MRTFA: variants seen among roughly 807,000 people sequenced by gnomAD.
The protein encoded by MRTFA is myocardin-related transcription factor A.
A neutral mutation model predicts 83.5 loss-of-function variants in MRTFA; 20 were observed. That is an observed-to-expected ratio of 0.24 (90% CI 0.17 to 0.35). The LOEUF is 0.35. Ranked by LOEUF, MRTFA falls within the 10% of genes least tolerant of loss-of-function variation. The pLI, the probability that MRTFA is intolerant of heterozygous loss-of-function variation, is 1.00. For synonymous variants in MRTFA, 659 were observed against 541.2 expected, an observed-to-expected ratio of 1.22 and a Z score of -3.02; for missense variants, 1,200 against 1,224.7, an observed-to-expected ratio of 0.98 and a Z score of 0.30.
intron 4 of MRTFA, among the ~76,000 whole-genome samples, chr22:40,451,341 G>T (rs1156723416): frequency 4.6e-5 from 7 of 152,118 alleles, no homozygotes; most frequent in Admixed American, 4.6e-4. Flanking sequence ...TGGGTGGCGG[G>T]GTGTGGAGAA....
intron 14 of MRTFA, among the ~76,000 whole-genome samples, chr22:40,413,499 T>C (rs1337641741): frequency 1.3e-5 from 2 of 152,050 alleles, no homozygotes; most frequent in Non-Finnish European, 2.9e-5. Flanking sequence ...GCCTGGCTAA[T>C]TTTTTCACCA....
At chr22:40,518,062 CCCCCTCATAGCTCA>C (rs1317279966) in intron 3 of MRTFA, among the ~76,000 whole-genome samples, 6 of 152,152 alleles carry the variant, frequency 3.9e-5, no homozygotes, top group Admixed American at 1.3e-4. Flanking sequence ...CATCACATAA[CCCCCTCATAGCTCA>C]CCCTATGCTT....
intron 3 of MRTFA, among the ~76,000 whole-genome samples, chr22:40,470,280 T>TATATATATAA (rs1569283519): frequency 1.9e-5 from 2 of 106,402 alleles, no homozygotes; most frequent in East Asian, 2.7e-4. Context: ...TATATATATA[T>TATATATATAA]AAAGAAACAT....
intron 3 of MRTFA, among the ~76,000 whole-genome samples, chr22:40,502,265 G>T (rs1411336858): frequency 1.4e-5 from 2 of 138,776 alleles, no homozygotes; most frequent in Non-Finnish European, 3.1e-5. Context: ...CTTCTCAGAC[G>T]GGGCGGCTGC....
intron 3 of MRTFA, among the ~76,000 whole-genome samples, chr22:40,476,720 T>C (rs1321793334): frequency 1.3e-5 from 2 of 152,242 alleles, no homozygotes; most frequent in East Asian, 3.9e-4. Flanking sequence ...CCCAAAGTGC[T>C]GGAGTACAGA....
rs1356939389 is a variant in MRTFA at position 40,476,155 on chromosome 22, A to AAG, written c.242-12870_242-12869insCT. Among the ~76,000 whole-genome samples the AAG allele has an allele frequency of 3.8e-3, 547 of 144,910 alleles. 18 individuals are homozygous for AAG. Among genetic ancestry groups the AAG allele is most frequent in the Admixed American group, 0.033 (482 of 14,434 alleles). ...CAAGACTCCGTCTCAAAAAAAAAAA[A>AAG]GGGGGGGGGTCTTGAAAGTATTTTA... On this transcript the variant is annotated intron_variant, in intron 3 of 14. Transcript: ENST00000355630.
intron 2 of MRTFA, among the ~76,000 whole-genome samples, chr22:40,582,963 AG>A (rs2055973079): frequency 6.6e-6 from 1 of 152,186 alleles, no homozygotes; most frequent in South Asian, 2.1e-4. Context: ...CAATGCTAAG[AG>A]TCTCACTGGA....
intron 2 of MRTFA, 86 bp from the exon 3 acceptor site, chr22:40,552,453 T>G: frequency 2.5e-6 from 1 of 394,290 alleles, no homozygotes; most frequent in Non-Finnish European, 4.5e-6. Context: ...TCATCTTGAA[T>G]TGTAGTTCCC....
At chr22:40,592,064 G>A (rs927061100) in intron 2 of MRTFA, among the ~76,000 whole-genome samples, 1 of 151,884 alleles carries the variant, frequency 6.6e-6, no homozygotes, top group Non-Finnish European at 1.5e-5. Context: ...ACATAGAGAT[G>A]GTATCTCCCA....
intron 3 of MRTFA, among the ~76,000 whole-genome samples, chr22:40,467,816 A>C (rs536322264): frequency 6.6e-6 from 1 of 152,240 alleles, no homozygotes; most frequent in Admixed American, 6.5e-5. Flanking sequence ...GTATACAAGC[A>C]TAAGTCTTTA....
rs2053749542 is a variant in MRTFA, at chr22:40,463,352, T to C, written c.242-66A>G. 2.2e-6 allele frequency: 3 copies of C among 1,373,772 alleles called. No homozygotes were observed. The South Asian group carries it at 3.5e-5, about 16-fold the overall frequency. 85.1% of individuals were successfully genotyped at this position (1,373,772 alleles called of 1,614,324 possible). On this transcript the variant is annotated intron_variant, in intron 3 of 14. Coordinates refer to ENST00000355630, the MANE Select transcript of MRTFA (RefSeq NM_020831.6). Reference sequence around the variant, plus strand: ...TGGGTATTCCACCTCAAAAAACACATTTTCAAACGCAAAAAAAGTCTAAAA... The same window carrying C: ...TGGGTATTCCACCTCAAAAAACACACTTTCAAACGCAAAAAAAGTCTAAAA...
intron 2 of MRTFA, among the ~76,000 whole-genome samples, chr22:40,581,675 T>C (rs1005898484): frequency 6.6e-6 from 1 of 152,166 alleles, no homozygotes; most frequent in African/African-American, 2.4e-5. Context: ...CTTCTGTGCA[T>C]CCACAGAGTC....
At chr22:40,444,974 G>A (rs1161245983) in intron 4 of MRTFA, among the ~76,000 whole-genome samples, 1 of 152,186 alleles carries the variant, frequency 6.6e-6, no homozygotes, top group Non-Finnish European at 1.5e-5. Context: ...GGCTGAGATG[G>A]AAGAATCGCC....
rs1039578467 is a variant in MRTFA at position 40,552,173 on chromosome 22, G to T, written c.174C>A (p.Pro58=). 1.0e-5 allele frequency: 4 copies of T among 398,872 alleles called. No homozygotes were observed. Among genetic ancestry groups the T allele is most frequent in the Non-Finnish European group, 1.8e-5 (4 of 226,084 alleles). The allele number at this position is 398,872 out of a possible 1,614,324, so 24.7% of individuals were successfully genotyped here. ...CAGGGTGGAGGCCTAGGGTCAGCTC[G>T]GGCTGCAAGGAGAGCTCCTGCAGTT... Residue 58 remains proline, a synonymous_variant, in exon 3 of 15, where the codon CCC becomes CCA. Transcript: ENST00000355630.
chr22:40,507,822 G>A (rs1019891354), intron 3 of MRTFA, among the ~76,000 whole-genome samples: 3 of 151,446 alleles, frequency 2.0e-5, no homozygotes, highest in Non-Finnish European at 4.4e-5. Flanking sequence ...AATTATCCAG[G>A]CATGGTGACA....
intron 1 of MRTFA, among the ~76,000 whole-genome samples, chr22:40,608,062 T>C (rs1273669141): frequency 6.6e-6 from 1 of 152,212 alleles, no homozygotes; most frequent in East Asian, 1.9e-4. Context: ...TCTCACTCTG[T>C]CGCCCAGGCT....
Position 40,580,639 on chromosome 22 carries a change from T to G in MRTFA, c.-22+14035A>C, listed in dbSNP as rs150824151. ...AGAATATTGGAAGTAAGTTGAAAGT[T>G]TCCCTCTTCATTCCACTGTCCTGTC... On this transcript the variant is annotated intron_variant, in intron 2 of 14. Transcript: ENST00000355630. Among the ~76,000 whole-genome samples the G allele has an allele frequency of 1.4e-4, 21 of 152,344 alleles. No individual in the cohort carries two copies. The East Asian group carries it at 3.3e-3, about 24-fold the overall frequency.
chr22:40,623,723 T>C (rs1030106973), intron 1 of MRTFA, among the ~76,000 whole-genome samples: 4 of 152,226 alleles, frequency 2.6e-5, no homozygotes, highest in African/African-American at 9.6e-5. Flanking sequence ...TTGAGTACTA[T>C]GAAAATTAAC....
intron 3 of MRTFA, among the ~76,000 whole-genome samples, chr22:40,547,110 G>A (rs961277767): frequency 4.6e-5 from 7 of 151,948 alleles, no homozygotes; most frequent in Admixed American, 3.9e-4. Context: ...AGCCGAGACT[G>A]TGCCACTGCA....
Sources: allele counts gnomAD v4.1 joint callset (sites outside exome capture counted in the v4.1 genomes callset), GRCh38; gene constraint gnomAD v4.1.1; transcripts MANE v1.5; gene names NCBI Gene and HGNC (gene_info 2026-07-23, HGNC 2026-07-21).